NCAPD2: variants seen among roughly 807,000 people sequenced by gnomAD.
The protein encoded by NCAPD2 is condensin complex subunit 1.
A neutral mutation model predicts 164.5 loss-of-function variants in NCAPD2; 100 were observed. That is an observed-to-expected ratio of 0.61 (90% CI 0.52 to 0.72). NCAPD2 has a LOEUF of 0.72. NCAPD2 is among the 30% of genes least tolerant of loss of function. The pLI, the probability that NCAPD2 is intolerant of heterozygous loss-of-function variation, is 0.00. For missense variants in NCAPD2, 1,560 were observed against 1,749.2 expected (o/e 0.89, Z 1.93); for synonymous variants, 585 against 642.6 (o/e 0.91, Z 1.36).
At chr12:6,508,404 A>G (rs571695594) in intron 2 of NCAPD2, among the ~76,000 whole-genome samples, 3 of 152,348 alleles carry the variant, frequency 2.0e-5, no homozygotes, top group Admixed American at 1.3e-4. Flanking sequence ...GCAGAGACCA[A>G]GTATGGGACA....
intron 27 of NCAPD2, 171 bp downstream of exon 27, chr12:6,529,210 C>G (rs1946348324): frequency 3.1e-6 from 2 of 642,320 alleles, no homozygotes; most frequent in Non-Finnish European, 5.4e-6. Flanking sequence ...TGATACTTAA[C>G]CCTTAGTTCT....
chr12:6,519,559 C>A (rs1946245274), intron 13 of NCAPD2, among the ~76,000 whole-genome samples: 1 of 152,192 alleles, frequency 6.6e-6, no homozygotes, highest in Non-Finnish European at 1.5e-5. Flanking sequence ...TGGCCTTTGC[C>A]AGCCTGGGCA....
chr12:6,513,903 G>A (rs1946175368), intron 6 of NCAPD2, among the ~76,000 whole-genome samples: 1 of 151,638 alleles, frequency 6.6e-6, no homozygotes, highest in African/African-American at 2.4e-5. Context: ...TTTTAGTAGA[G>A]ACAGGGTTTC....
chr12:6,514,444 C>T lies in NCAPD2; in HGVS notation c.716-20C>T, dbSNP rs368109681. On this transcript the variant is annotated intron_variant, in intron 7 of 31. Coordinates refer to ENST00000315579, the MANE Select transcript of NCAPD2 (RefSeq NM_014865.4). ...CTTTTTTGTATTGCCCATAATTTCT[C>T]ATGTTTAATGCTTCCACAGGTGCTA... 1.9e-5 allele frequency: 30 copies of T among 1,614,172 alleles called. No individual in the cohort carries two copies. The African/African-American group carries it at 3.5e-4, about 19-fold the overall frequency.
rs769187957 is a variant in NCAPD2, at chr12:6,531,362, A to C, written c.4156A>C (p.Lys1386Gln). The change falls in exon 32 of 32, where the codon AAG (lysine) becomes CAG (glutamine). Residue 1386 changes from lysine to glutamine, a missense_variant. Lys to Gln is a moderately conservative substitution (Grantham distance 53). Coordinates refer to ENST00000315579, the MANE Select transcript of NCAPD2 (RefSeq NM_014865.4). This position sits in a 1 kb window ranked among gnomAD's most constrained non-coding sequence, Gnocchi z 4.1. ...SAEMTEDETP[K>Q]KTTPILRASA... is the part of the protein sequence containing the mutation. ...AGAGATGACAGAAGACGAGACACCC[A>C]AGAAAACAACTCCCATTCTCAGAGC... is the stretch of plus-strand genomic sequence containing the variant. 13 of 1,613,848 alleles carry C rather than the reference A, an allele frequency of 8.1e-6. No homozygotes were observed. In the African/African-American group the frequency reaches 1.5e-4, roughly 18 times the overall value.
At chr12:6,501,887 G>C (rs1946041010) in intron 2 of NCAPD2, among the ~76,000 whole-genome samples, 1 of 152,222 alleles carries the variant, frequency 6.6e-6, no homozygotes, top group South Asian at 2.1e-4. Flanking sequence ...TTAACTACTG[G>C]ATTTATTGAT....
chr12:6,509,671 A>T, intron 2 of NCAPD2, 46 bp from the exon 3 acceptor site: 2 of 1,544,266 alleles, frequency 1.3e-6, no homozygotes, highest in Non-Finnish European at 1.8e-6. Flanking sequence ...TTTACTGAAA[A>T]GGTTTCTCTT....
intron 10 of NCAPD2, 147 bp downstream of exon 10, chr12:6,517,172 G>A (rs1320924450): frequency 1.6e-6 from 2 of 1,248,958 alleles, no homozygotes; most frequent in African/African-American, 3.0e-5. Context: ...CCTCTACCAA[G>A]GACGAGGATA....
At position 6,517,368 on chromosome 12, in the gene NCAPD2, C is replaced by G; in HGVS notation, c.1189C>G (p.Leu397Val). The change falls in exon 11 of 32, where the codon CTC becomes GTC. Residue 397 changes from leucine (L) to valine (V), a missense_variant. Coordinates refer to ENST00000315579, the MANE Select transcript of NCAPD2 (RefSeq NM_014865.4). The stretch of plus-strand genomic sequence containing the variant: ...CTTCTCTTCCTACCCTACACAGGCT[C>G]TCCCCCTGACACGTTTCCAGGCAGT... ...LFTRIVQQKA[L>V]PLTRFQAVVA... 6.2e-7 allele frequency: 1 copy of G among 1,613,984 alleles called. No individual in the cohort carries two copies. The highest frequency in any genetic ancestry group is 8.5e-7 in the Non-Finnish European group (1 of 1,179,936).
At chr12:6,513,543 C>A (rs777747300) in intron 6 of NCAPD2, among the ~76,000 whole-genome samples, 5 of 151,814 alleles carry the variant, frequency 3.3e-5, no homozygotes, top group African/African-American at 4.8e-5. Flanking sequence ...AGGAACTAGC[C>A]AAAGAAACTG....
intron 9 of NCAPD2, among the ~76,000 whole-genome samples, chr12:6,516,524 T>C (rs1003123129): frequency 6.6e-6 from 1 of 152,084 alleles, no homozygotes; most frequent in Admixed American, 6.6e-5. Context: ...ACAACCACAA[T>C]AACAAAGGCT....
In NCAPD2 at chr12:6,511,705, G is replaced by A. The variant is rs572932402; in HGVS notation, c.587+453G>A. On this transcript the variant is annotated intron_variant, in intron 6 of 31. Transcript: ENST00000315579. ...ATTTTAAATCAGCTACTCTAGGCCC[G>A]GTGCGGTGGCTCACGCCTATAATCC... 2.6e-5 allele frequency among the ~76,000 whole-genome samples: 4 copies of A among 152,278 alleles called. No homozygotes were observed. The South Asian group carries it at 6.2e-4, about 24-fold the overall frequency.
Position 6,526,195 on chromosome 12 carries a change from A to C in NCAPD2, c.2476A>C (p.Arg826=), listed in dbSNP as rs774381395. The change falls in exon 19 of 32, where the codon AGA becomes CGA. Residue 826 remains arginine, a synonymous_variant. Transcript: ENST00000315579. ...TGCCATTGCCAACATCTCGGACAGG[A>C]GAAAGGTATGTGGGGGTGGTTCCAA... ...CHAIANISDR[R]KPSLGKRHPP... 1.2e-6 allele frequency: 2 copies of C among 1,614,046 alleles called. No homozygotes were observed. The highest frequency in any genetic ancestry group is 1.7e-6 in the Non-Finnish European group (2 of 1,180,040).
chr12:6,496,997 T>C (rs1271657070), intron 2 of NCAPD2, among the ~76,000 whole-genome samples: 1 of 152,230 alleles, frequency 6.6e-6, no homozygotes, highest in Non-Finnish European at 1.5e-5. Flanking sequence ...GTCTATTGTT[T>C]ACCAAAATGT....
At chr12:6,501,259 TA>T (rs1946033331) in intron 2 of NCAPD2, among the ~76,000 whole-genome samples, 4 of 119,484 alleles carry the variant, frequency 3.3e-5, no homozygotes, top group South Asian at 2.6e-4. Flanking sequence ...TTTTTTTTTT[TA>T]GGCAGAGTCT....
intron 2 of NCAPD2, among the ~76,000 whole-genome samples, chr12:6,506,046 C>T (rs1487354355): frequency 6.6e-6 from 1 of 151,910 alleles, no homozygotes; most frequent in East Asian, 1.9e-4. Context: ...GCAGCCTCAG[C>T]TTCCTAGGCT....
intron 9 of NCAPD2, among the ~76,000 whole-genome samples, chr12:6,516,256 C>T (rs1011477570): frequency 1.5e-4 from 22 of 151,246 alleles, no homozygotes; most frequent in Non-Finnish European, 2.8e-4. Context: ...ATAATCTCAG[C>T]ACTTTGGGAG....
In NCAPD2 at chr12:6,522,824, T is replaced by C. The variant is rs1420887502; in HGVS notation, c.1955-4T>C. 1.2e-6 allele frequency: 2 copies of C among 1,613,544 alleles called. No individual in the cohort carries two copies. The highest frequency in any genetic ancestry group is 1.7e-4 in the Middle Eastern group (1 of 6,056). On this transcript the variant is annotated splice_polypyrimidine_tract_variant and splice_region_variant and intron_variant, in intron 15 of 31. Transcript: ENST00000315579. ...ATAGGTGACATTTGTACATGTTCTC[T>C]CAGTGGTGCAGGAGGTGATTGAATT...
At chr12:6,504,186 T>C (rs1204105948) in intron 2 of NCAPD2, among the ~76,000 whole-genome samples, 4 of 26,880 alleles carry the variant, frequency 1.5e-4, no homozygotes, top group South Asian at 9.5e-4. Context: ...TATATACATA[T>C]ATATATATAT....
Sources: allele counts gnomAD v4.1 joint callset (sites outside exome capture counted in the v4.1 genomes callset), GRCh38; gene constraint gnomAD v4.1.1; non-coding constraint Gnocchi (gnomAD v3.1); transcripts MANE v1.5; gene names NCBI Gene and HGNC (gene_info 2026-07-23, HGNC 2026-07-21).